The following ANO5 variants were observed in gnomAD, a reference collection of about 807,000 sequenced individuals.
ANO5 encodes anoctamin-5.
ANO5 carries 109 observed loss-of-function variants against 121.0 expected under a neutral mutation model. The ratio of observed to expected loss-of-function variants is 0.90; its 90% CI spans 0.77 to 1.06. The LOEUF is 1.06. ANO5 is among the 50% of genes least tolerant of loss of function. The pLI, the probability that ANO5 is intolerant of heterozygous loss-of-function variation, is 0.00. For synonymous variants in ANO5, 406 were observed against 359.9 expected (o/e 1.13, Z -1.45); for missense variants, 1,064 against 1,078.5 (o/e 0.99, Z 0.19).
Position 22,272,841 on chromosome 11 carries a change from T to A in ANO5, c.2087T>A (p.Leu696His). The A allele has an allele frequency of 1.2e-6, 2 of 1,614,158 alleles. No homozygotes were observed. Among genetic ancestry groups the A allele is most frequent in the Non-Finnish European group, 1.7e-6 (2 of 1,180,024 alleles). The change falls in exon 19 of 22, where the codon CTT (leucine) becomes CAT (histidine). Residue 696 changes from leucine to histidine, a missense_variant. Transcript: ENST00000324559. ...FVASFPLAPLLALINNIVEIR... is the reference protein window; with the variant it reads ...FVASFPLAPLHALINNIVEIR... ...GCCTCTTTTCCTTTGGCTCCTCTTC[T>A]TGCTCTCATAAATAATATTGTAGAG... is the stretch of plus-strand genomic sequence containing the variant.
chr11:22,268,016 G>T (rs1181533865), intron 17 of ANO5, among the ~76,000 whole-genome samples: 1 of 152,130 alleles, frequency 6.6e-6, no homozygotes, highest in Non-Finnish European at 1.5e-5. Context: ...ACCACTGATG[G>T]ACATTTAGGT....
chr11:22,251,054 ATGTGTTGTTT>A, intron 12 of ANO5, 43 bp downstream of exon 12: 1 of 1,556,274 alleles, frequency 6.4e-7, no homozygotes, highest in Non-Finnish European at 8.8e-7. Flanking sequence ...CTTCCTATTA[ATGTGTTGTTT>A]TGCCTCCATA....
Position 22,250,269 on chromosome 11 carries a change from TTG to T in ANO5, c.913_914del (p.Val305LeufsTer30). The T allele has an allele frequency of 6.2e-7, 1 of 1,603,856 alleles. No individual in the cohort carries two copies. Among genetic ancestry groups the T allele is most frequent in the Non-Finnish European group, 8.5e-7 (1 of 1,171,602 alleles). On this transcript the variant is annotated frameshift_variant, in exon 10 of 22. Coordinates refer to ENST00000324559, the MANE Select transcript of ANO5 (RefSeq NM_213599.3). LOFTEE classifies it high-confidence loss of function. ...TATGGAGAAAAAATTGGTATCTATT[TTG>T]TCTTTCTTGGATTTTACACAGAAAT... is the stretch of plus-strand genomic sequence containing the variant.
intron 2 of ANO5, among the ~76,000 whole-genome samples, chr11:22,208,771 A>G (rs919938306): frequency 6.6e-6 from 1 of 151,952 alleles, no homozygotes; most frequent in Admixed American, 6.6e-5. Context: ...TGTGTGTATT[A>G]TTTTGGCAAA....
At chr11:22,273,601 A>C (rs2133791105) in intron 19 of ANO5, among the ~76,000 whole-genome samples, 1 of 152,260 alleles carries the variant, frequency 6.6e-6, no homozygotes, top group South Asian at 2.1e-4. Flanking sequence ...TTAAAAGAAG[A>C]CTGGAAAATA....
chr11:22,265,718 T>C (rs947542903), intron 17 of ANO5, among the ~76,000 whole-genome samples: 1 of 152,116 alleles, frequency 6.6e-6, no homozygotes, highest in Non-Finnish European at 1.5e-5. Context: ...GCAGGATTTT[T>C]ATAGGTATAG....
chr11:22,250,082 A>G (rs1239614041), intron 9 of ANO5, among the ~76,000 whole-genome samples, 155 bp from the exon 10 acceptor site: 1 of 152,172 alleles, frequency 6.6e-6, no homozygotes, highest in Non-Finnish European at 1.5e-5. Flanking sequence ...TGATATGGAA[A>G]CTGAAGTTTA....
chr11:22,252,024 C>T (rs1340939801), intron 12 of ANO5, among the ~76,000 whole-genome samples: 4 of 87,984 alleles, frequency 4.5e-5, no homozygotes, highest in South Asian at 4.5e-4. Flanking sequence ...AGCAAGACGC[C>T]GTCTCAAAAA....
intron 9 of ANO5, among the ~76,000 whole-genome samples, chr11:22,245,624 T>G (rs1012187896): frequency 2.6e-5 from 4 of 152,148 alleles, no homozygotes; most frequent in African/African-American, 9.7e-5. Flanking sequence ...TACTTCACAT[T>G]TTCTGATTTT....
In ANO5 at chr11:22,255,264, C is replaced by T. The variant is rs1175366639; in HGVS notation, c.1181-107C>T. On this transcript the variant is annotated intron_variant, in intron 12 of 21. Coordinates refer to ENST00000324559, the MANE Select transcript of ANO5 (RefSeq NM_213599.3). ...TCAAACACAACAGTGAAAGAATAGC[C>T]ACCTGAAACATGTGAACCATCCTGC... The T allele has an allele frequency of 6.1e-6, 5 of 816,898 alleles. No individual in the cohort carries two copies. In the Admixed American group the frequency reaches 8.8e-5, roughly 14 times the overall value. The allele number at this position is 816,898 out of a possible 1,614,324, so 50.6% of individuals were successfully genotyped here. A position where few individuals can be genotyped will look rare whatever the true frequency, so the allele number is the denominator to read the frequency against.
chr11:22,276,286 C>T (rs1483983855), intron 21 of ANO5, 87 bp downstream of exon 21: 1 of 1,073,880 alleles, frequency 9.3e-7, no homozygotes, highest in East Asian at 2.5e-5. Context: ...AGAAAGTTAG[C>T]AATATCTCAG....
intron 3 of ANO5, among the ~76,000 whole-genome samples, chr11:22,216,513 A>G (rs1590230549): frequency 6.6e-6 from 1 of 151,920 alleles, no homozygotes; most frequent in Middle Eastern, 3.4e-3. Context: ...AACTGTTCAA[A>G]TCTTTTCTGC....
chr11:22,220,756 A>T (rs967300558), intron 4 of ANO5, among the ~76,000 whole-genome samples: 1 of 152,000 alleles, frequency 6.6e-6, no homozygotes, highest in Non-Finnish European at 1.5e-5. Context: ...GTAGCCATGA[A>T]TTATTTAGTG....
At chr11:22,217,965 T>C (rs1180399902) in intron 3 of ANO5, among the ~76,000 whole-genome samples, 1 of 151,862 alleles carries the variant, frequency 6.6e-6, no homozygotes, top group Non-Finnish European at 1.5e-5. Flanking sequence ...AAATAAAATA[T>C]AAATCCACAA....
chr11:22,222,475 C>T (rs781197609), intron 5 of ANO5, among the ~76,000 whole-genome samples: 2 of 151,860 alleles, frequency 1.3e-5, no homozygotes, highest in Non-Finnish European at 2.9e-5. Flanking sequence ...TTTATAATTT[C>T]GTTTTACATG....
chr11:22,196,639 G>A (rs1851822103), intron 1 of ANO5, among the ~76,000 whole-genome samples: 1 of 152,096 alleles, frequency 6.6e-6, no homozygotes, highest in Non-Finnish European at 1.5e-5. Context: ...GGGAGGCCGA[G>A]GCAGGTGGAT....
At position 22,224,962 on chromosome 11, in the gene ANO5, G is replaced by A. The variant is rs115498484; in HGVS notation, c.295-1022G>A. Among the ~76,000 whole-genome samples, 573 of 152,024 alleles carry A rather than the reference G, an allele frequency of 3.8e-3. 3 individuals are homozygous for A. Among genetic ancestry groups the A allele is most frequent in the African/African-American group, 0.013 (549 of 41,470 alleles). On this transcript the variant is annotated intron_variant, in intron 5 of 21. Transcript: ENST00000324559. ...CAGGAGGTAAAAATGTGGATCTCAT[G>A]AAGATAGAGTAGATTGGTGGCTACC...
chr11:22,268,689 T>C (rs777763598), intron 17 of ANO5, among the ~76,000 whole-genome samples: 12 of 152,194 alleles, frequency 7.9e-5, no homozygotes, highest in Non-Finnish European at 1.5e-4. Flanking sequence ...TTCTTGATTC[T>C]AAAGGAAATG....
At chr11:22,248,498 A>G (rs1164039409) in intron 9 of ANO5, among the ~76,000 whole-genome samples, 1 of 152,072 alleles carries the variant, frequency 6.6e-6, no homozygotes, top group Non-Finnish European at 1.5e-5. Context: ...ACCATATTGC[A>G]AATCTAAGAA....
Sources: gnomAD v4.1 joint callset for allele counts (sites outside exome capture counted in the v4.1 genomes callset) on GRCh38, gnomAD v4.1.1 for gene constraint, MANE v1.5 for transcripts, NCBI Gene and HGNC (gene_info 2026-07-23, HGNC 2026-07-21) for gene names.